Variants in ATP8A2 observed in about 807,000 individuals in gnomAD.
The protein encoded by ATP8A2 is phospholipid-transporting ATPase IB.
A neutral mutation model predicts 165.6 loss-of-function variants in ATP8A2; 100 were observed. The observed-to-expected ratio is 0.60, with a 90% CI of 0.51 to 0.71. The LOEUF is 0.71. ATP8A2 is among the 30% of genes least tolerant of loss of function. The pLI is 0.00. For synonymous variants in ATP8A2, 543 were observed against 548.8 expected (o/e 0.99, Z 0.15); for missense variants, 1,227 against 1,479.5 (o/e 0.83, Z 2.80).
Position 25,554,903 on chromosome 13 carries a change from A to G in ATP8A2, c.1186-88A>G, listed in dbSNP as rs796901620. ...AAAATAAAAGGGTTTTAGATTACCC[A>G]TTCTTAGCTTCTTTTCTGTGTTAAT... is the stretch of plus-strand genomic sequence containing the variant. On this transcript the variant is annotated intron_variant, in intron 12 of 36. Transcript: ENST00000381655. The G allele has an allele frequency of 5.1e-5, 46 of 896,616 alleles. No individual in the cohort carries two copies. In the African/African-American group the frequency reaches 6.9e-4, roughly 13 times the overall value. 55.5% of individuals were successfully genotyped at this position (896,616 alleles called of 1,614,324 possible).
chr13:25,551,576 A>G, intron 11 of ATP8A2, 73 bp downstream of exon 11: 1 of 1,455,490 alleles, frequency 6.9e-7, no homozygotes, highest in Non-Finnish European at 9.4e-7. Flanking sequence ...GCCATGGTTG[A>G]AGTGTGGTGT....
At chr13:25,961,465 T>C in intron 33 of ATP8A2, 110 bp from the exon 34 acceptor site, 1 of 880,792 alleles carries the variant, frequency 1.1e-6, no homozygotes, top group Non-Finnish European at 1.8e-6. Flanking sequence ...TCATTGCATT[T>C]AGTGCGGTCT....
Position 25,809,807 on chromosome 13 carries a change from C to G in ATP8A2, c.2680-18311C>G, listed in dbSNP as rs544835362. 3.3e-5 allele frequency among the ~76,000 whole-genome samples: 5 copies of G among 152,204 alleles called. No homozygotes were observed. In the South Asian group the frequency reaches 8.3e-4, roughly 25 times the overall value. On this transcript the variant is annotated intron_variant, in intron 27 of 36. Transcript: ENST00000381655. Reference sequence around the variant, plus strand: ...GTCTTTCCCCCTCAATCTCCAGCTCCTGGAGTAGAGCCTAGTCCATAGTTG... The same window carrying G: ...GTCTTTCCCCCTCAATCTCCAGCTCGTGGAGTAGAGCCTAGTCCATAGTTG...
chr13:25,510,564 C>T (rs958335046), intron 2 of ATP8A2, among the ~76,000 whole-genome samples: 1 of 152,220 alleles, frequency 6.6e-6, no homozygotes, highest in Non-Finnish European at 1.5e-5. Context: ...AAATGTTGCA[C>T]TCTGAGTGCT....
Position 25,859,180 on chromosome 13 carries a change from C to T in ATP8A2, c.2957-1015C>T, listed in dbSNP as rs550415477. ...TTGTACCACTGCATTCCAGCCTGGG[C>T]GACAGACCGAGACTCTGTCTCAAAA... is the stretch of plus-strand genomic sequence containing the variant. On this transcript the variant is annotated intron_variant, in intron 30 of 36. Transcript: ENST00000381655. Among the ~76,000 whole-genome samples, 13 of 151,670 alleles carry T rather than the reference C, an allele frequency of 8.6e-5. No individual in the cohort carries two copies. The South Asian group carries it at 1.7e-3, about 20-fold the overall frequency.
intron 24 of ATP8A2, among the ~76,000 whole-genome samples, chr13:25,691,526 T>A (rs1268385397): frequency 1.3e-5 from 2 of 152,152 alleles, no homozygotes; most frequent in African/African-American, 4.8e-5. Flanking sequence ...GAGAAATATG[T>A]CATGGGGTAA....
intron 35 of ATP8A2, among the ~76,000 whole-genome samples, chr13:25,991,002 G>A (rs2139289417): frequency 6.6e-6 from 1 of 152,242 alleles, no homozygotes; most frequent in African/African-American, 2.4e-5. Context: ...GTGGAATGAG[G>A]TGATGGTTTC....
intron 2 of ATP8A2, among the ~76,000 whole-genome samples, chr13:25,513,716 A>G (rs2037360596): frequency 6.6e-6 from 1 of 152,154 alleles, no homozygotes; most frequent in South Asian, 2.1e-4. Flanking sequence ...GCACCTCGGG[A>G]GGCCGAGGCT....
At chr13:25,482,828 A>G (rs991433205) in intron 2 of ATP8A2, among the ~76,000 whole-genome samples, 2 of 152,082 alleles carry the variant, frequency 1.3e-5, no homozygotes, top group Non-Finnish European at 2.9e-5. Flanking sequence ...GTAAGACGGG[A>G]CTTGCTCCTC....
At chr13:25,961,516 T>G in intron 33 of ATP8A2, 59 bp from the exon 34 acceptor site, 1 of 1,308,044 alleles carries the variant, frequency 7.6e-7, no homozygotes, top group Non-Finnish European at 1.1e-6. Context: ...GATTACATTA[T>G]GTTGCTCTGT....
intron 25 of ATP8A2, among the ~76,000 whole-genome samples, chr13:25,722,780 T>C (rs3117850): frequency 0.1 from 15,675 of 152,290 alleles, 959 homozygotes; most frequent in African/African-American, 0.17. Context: ...TCAAGATCCC[T>C]GTGTACCTAA....
intron 28 of ATP8A2, among the ~76,000 whole-genome samples, chr13:25,834,308 C>T (rs1951551952): frequency 6.6e-6 from 1 of 152,022 alleles, no homozygotes; most frequent in South Asian, 2.1e-4. Context: ...TTTTCTTTTG[C>T]AATGGGAGAG....
intron 24 of ATP8A2, among the ~76,000 whole-genome samples, chr13:25,652,192 A>AT (rs1455437564): frequency 6.6e-6 from 1 of 152,228 alleles, no homozygotes; most frequent in Non-Finnish European, 1.5e-5. Flanking sequence ...ATATTTAAAA[A>AT]ATATATATCA....
chr13:25,678,101 A>G (rs569547401), intron 24 of ATP8A2, among the ~76,000 whole-genome samples: 1 of 152,332 alleles, frequency 6.6e-6, no homozygotes, highest in Admixed American at 6.5e-5. Flanking sequence ...GATAAGTAAT[A>G]GAGGTGCAGG....
At chr13:25,830,327 T>C (rs969017143) in intron 28 of ATP8A2, among the ~76,000 whole-genome samples, 1 of 152,194 alleles carries the variant, frequency 6.6e-6, no homozygotes, top group Non-Finnish European at 1.5e-5. Context: ...TTGTTATGCA[T>C]GACCCTAGGG....
intron 30 of ATP8A2, among the ~76,000 whole-genome samples, chr13:25,843,914 G>T (rs1420299995): frequency 6.6e-6 from 1 of 152,136 alleles, no homozygotes; most frequent in African/African-American, 2.4e-5. Flanking sequence ...GCGGAGGGGG[G>T]GACTTTTTCT....
intron 33 of ATP8A2, among the ~76,000 whole-genome samples, chr13:25,951,540 T>C (rs1044048766): frequency 1.3e-5 from 2 of 152,204 alleles, no homozygotes; most frequent in African/African-American, 4.8e-5. Context: ...GGAAATGTTC[T>C]ATATTTTGTT....
At chr13:25,385,179 C>CTCTT (rs2032995713) in intron 1 of ATP8A2, among the ~76,000 whole-genome samples, 3 of 152,184 alleles carry the variant, frequency 2.0e-5, no homozygotes, top group Admixed American at 2.0e-4. Context: ...CTTTCTTTTG[C>CTCTT]TGAAATGCCT....
At chr13:25,509,382 G>C (rs2037149232) in intron 2 of ATP8A2, among the ~76,000 whole-genome samples, 1 of 151,662 alleles carries the variant, frequency 6.6e-6, no homozygotes, top group Non-Finnish European at 1.5e-5. Flanking sequence ...TATTGCTAGA[G>C]GAAAAATGAA....
Sources: gnomAD v4.1 joint callset for allele counts (sites outside exome capture counted in the v4.1 genomes callset) on GRCh38, gnomAD v4.1.1 for gene constraint, MANE v1.5 for transcripts, NCBI Gene and HGNC (gene_info 2026-07-23, HGNC 2026-07-21) for gene names.